Variants in CDH18 observed in about 807,000 individuals in gnomAD.
CDH18 encodes the protein cadherin 18.
A neutral mutation model predicts 67.9 loss-of-function variants in CDH18; 31 were observed. The observed-to-expected ratio is 0.46, with a 90% confidence interval of 0.34 to 0.62. CDH18 has a LOEUF of 0.62. CDH18 is among the 20% of genes least tolerant of loss of function. The pLI is 0.01. For synonymous variants in CDH18, 362 were observed against 347.2 expected (o/e 1.04, Z -0.48); for missense variants, 890 against 975.5 (o/e 0.91, Z 1.17).
At chr5:20,270,836 A>G (rs997511859) in intron 1 of CDH18, among the ~76,000 whole-genome samples, 9 of 152,188 alleles carry the variant, frequency 5.9e-5, no homozygotes, top group Non-Finnish European at 1.0e-4. Flanking sequence ...TTGCAGGAAC[A>G]TGAATGGAGT....
At chr5:20,078,336 G>A (rs1218354759) in intron 2 of CDH18, among the ~76,000 whole-genome samples, 5 of 151,874 alleles carry the variant, frequency 3.3e-5, no homozygotes, top group Admixed American at 6.6e-5. Flanking sequence ...GGTGGCGTGT[G>A]CCTGTAGTCC....
chr5:19,777,252 C>T (rs1774499930), intron 3 of CDH18, among the ~76,000 whole-genome samples: 1 of 152,126 alleles, frequency 6.6e-6, no homozygotes, highest in South Asian at 2.1e-4. Context: ...TCCACTCCAG[C>T]CTGGGCAACA....
At chr5:19,861,584 A>T (rs1784916773) in intron 2 of CDH18, among the ~76,000 whole-genome samples, 2 of 152,170 alleles carry the variant, frequency 1.3e-5, no homozygotes, top group South Asian at 4.1e-4. Flanking sequence ...AAATGTGGGA[A>T]ACAATTGACA....
chr5:20,539,837 C>A (rs561751422), intron 1 of CDH18, among the ~76,000 whole-genome samples: 1 of 151,564 alleles, frequency 6.6e-6, no homozygotes, highest in Non-Finnish European at 1.5e-5. Context: ...GAAGGAAGAC[C>A]AAGTTGAGTT....
chr5:19,895,948 A>C (rs1303368715), intron 2 of CDH18, among the ~76,000 whole-genome samples: 1 of 152,164 alleles, frequency 6.6e-6, no homozygotes, highest in Non-Finnish European at 1.5e-5. Context: ...CTAAACGTGG[A>C]AGACTGAAAA....
chr5:20,500,808 G>A (rs1754206257), intron 1 of CDH18, among the ~76,000 whole-genome samples: 1 of 152,124 alleles, frequency 6.6e-6, no homozygotes. Context: ...CATCCATATA[G>A]TAAGTGCCTA....
At chr5:19,519,775 G>T (rs1441291986) in intron 10 of CDH18, among the ~76,000 whole-genome samples, 1 of 152,040 alleles carries the variant, frequency 6.6e-6, no homozygotes, top group African/African-American at 2.4e-5. Flanking sequence ...CAGAGATATG[G>T]GCAGCCTTGA....
chr5:19,783,865 C>T (rs1346331572), intron 3 of CDH18, among the ~76,000 whole-genome samples: 2 of 152,104 alleles, frequency 1.3e-5, no homozygotes, highest in African/African-American at 4.8e-5. Context: ...CTAGTAGTGG[C>T]TACTACACAC....
chr5:19,629,738 T>C (rs1171532500), intron 5 of CDH18, among the ~76,000 whole-genome samples: 1 of 152,176 alleles, frequency 6.6e-6, no homozygotes. Flanking sequence ...CAAGGTATAC[T>C]TCAAATTTAA....
At chr5:19,528,835 T>C (rs1249987650) in intron 9 of CDH18, among the ~76,000 whole-genome samples, 2 of 151,976 alleles carry the variant, frequency 1.3e-5, no homozygotes, top group Non-Finnish European at 2.9e-5. Context: ...AAATCTCTTT[T>C]ATGAAGTCTT....
chr5:19,875,290 TGA>T lies in CDH18; in HGVS notation c.-256-36050_-256-36049del, dbSNP rs1786814570. Among the ~76,000 whole-genome samples the T allele has an allele frequency of 2.0e-5, 3 of 152,262 alleles. No individual in the cohort carries two copies. In the South Asian group the frequency reaches 6.2e-4, roughly 32 times the overall value. ...CCCAACTAATAGAAAAGTCAGCAAC[TGA>T]GAGAGAAGTGACTAAACTTAGCTTT... On this transcript the variant is annotated intron_variant, in intron 2 of 12. Coordinates refer to ENST00000382275, the MANE Select transcript of CDH18 (RefSeq NM_004934.5).
chr5:20,097,843 T>C lies in CDH18; in HGVS notation c.-517-105829A>G, dbSNP rs577118949. The stretch of plus-strand genomic sequence containing the variant: ...TATTTTTTATGAATATAAAAATTAC[T>C]GTTGCAATTGTTTTGAAATGTATTT... On this transcript the variant is annotated intron_variant, in intron 2 of 14. Coordinates refer to the CDH18 transcript ENST00000507958. 2.1e-4 allele frequency among the ~76,000 whole-genome samples: 32 copies of C among 152,260 alleles called. No individual in the cohort carries two copies. In the South Asian group the frequency reaches 6.4e-3, roughly 31 times the overall value.
At chr5:19,530,233 AAATT>A (rs1337260883) in intron 9 of CDH18, among the ~76,000 whole-genome samples, 1 of 152,128 alleles carries the variant, frequency 6.6e-6, no homozygotes, top group Non-Finnish European at 1.5e-5. Context: ...ATATTAAAGA[AAATT>A]AAACTTGACT....
chr5:19,506,313 T>C (rs867979856), intron 10 of CDH18, among the ~76,000 whole-genome samples: 35 of 151,986 alleles, frequency 2.3e-4, no homozygotes, highest in Admixed American at 4.6e-4. Context: ...GAATCAATAT[T>C]GTGAAAATGG....
chr5:19,808,319 A>T (rs1778245999), intron 3 of CDH18, among the ~76,000 whole-genome samples: 2 of 131,812 alleles, frequency 1.5e-5, no homozygotes, highest in African/African-American at 3.6e-5. Context: ...CAACAACAAC[A>T]AAAAAAAAAC....
At chr5:19,798,480 AT>A (rs1319959689) in intron 3 of CDH18, among the ~76,000 whole-genome samples, 1 of 152,008 alleles carries the variant, frequency 6.6e-6, no homozygotes. Context: ...CCTGATAAGC[AT>A]TTTTATCTTT....
chr5:20,313,318 C>T (rs773206450), intron 1 of CDH18, among the ~76,000 whole-genome samples: 1 of 151,968 alleles, frequency 6.6e-6, no homozygotes, highest in African/African-American at 2.4e-5. Flanking sequence ...ACTGACTTCC[C>T]CTTCTTCTAT....
chr5:19,844,082 G>C (rs12697412), intron 2 of CDH18, among the ~76,000 whole-genome samples: 73,180 of 152,004 alleles, frequency 0.48, 17,792 homozygotes, highest in Middle Eastern at 0.63. Context: ...TCTCAGATGA[G>C]ACTTTGGACT....
chr5:19,826,946 G>A (rs529778934), intron 3 of CDH18, among the ~76,000 whole-genome samples: 14 of 152,210 alleles, frequency 9.2e-5, no homozygotes, highest in Middle Eastern at 3.4e-3. Context: ...TAAGTGAGAT[G>A]AAGAAACAAG....
Sources: gnomAD v4.1 joint callset for allele counts (sites outside exome capture counted in the v4.1 genomes callset) on GRCh38, gnomAD v4.1.1 for gene constraint, MANE v1.5 for transcripts, NCBI Gene and HGNC (gene_info 2026-07-23, HGNC 2026-07-21) for gene names.